Variants in SH2D4A observed in about 807,000 individuals in gnomAD.
SH2D4A encodes the protein SH2 domain containing 4A.
SH2D4A carries 70 observed loss-of-function variants against 64.7 expected under a neutral mutation model. The observed-to-expected ratio is 1.08, with a 90% CI of 0.89 to 1.32. The LOEUF (loss-of-function observed/expected upper bound fraction) is 1.32. SH2D4A is among the 40% of genes most tolerant of loss of function. SH2D4A has a pLI of 0.00. For synonymous variants in SH2D4A, 268 were observed against 200.7 expected (o/e 1.34, Z -2.83); for missense variants, 706 against 540.1 (o/e 1.31, Z -3.04).
chr8:19,369,262 G>A (rs958406100), intron 7 of SH2D4A, among the ~76,000 whole-genome samples: 1 of 152,104 alleles, frequency 6.6e-6, no homozygotes, highest in South Asian at 2.1e-4. Context: ...TTGTATCTAT[G>A]TTCATCATCA....
chr8:19,373,346 G>GTGTA lies in SH2D4A; in HGVS notation c.918-183_918-182insGTAT, dbSNP rs1554485235. 3.4e-5 allele frequency among the ~76,000 whole-genome samples: 5 copies of GTGTA among 146,278 alleles called. 1 individual carries two copies. The South Asian group carries it at 1.1e-3, about 32-fold the overall frequency. On this transcript the variant is annotated intron_variant, in intron 7 of 9. Coordinates refer to ENST00000265807, the MANE Select transcript of SH2D4A (RefSeq NM_022071.4). ...TCCCCCCACCCCCACACACACATGTGTATATATATATATATGTATATATAT... is the reference window on the plus strand; with the variant it reads ...TCCCCCCACCCCCACACACACATGTGTGTATATATATATATATATGTATATATAT...
intron 8 of SH2D4A, 102 bp downstream of exon 8, chr8:19,373,762 C>T (rs1437710688): frequency 1.4e-6 from 2 of 1,405,504 alleles, no homozygotes. Context: ...ATTGGTGCTG[C>T]CCAAAAAGAG....
chr8:19,385,183 C>T (rs1339300978), intron 8 of SH2D4A, among the ~76,000 whole-genome samples: 1 of 151,300 alleles, frequency 6.6e-6, no homozygotes, highest in East Asian at 1.9e-4. Flanking sequence ...GGTGGGATAG[C>T]AATATAGTTC....
chr8:19,316,594 A>G (rs2052092740), intron 1 of SH2D4A, among the ~76,000 whole-genome samples: 1 of 152,204 alleles, frequency 6.6e-6, no homozygotes, highest in South Asian at 2.1e-4. Context: ...GCTTAGCTAC[A>G]GTTGACCAGG....
chr8:19,343,836 C>T (rs1413868348), intron 4 of SH2D4A, among the ~76,000 whole-genome samples: 2 of 152,132 alleles, frequency 1.3e-5, no homozygotes, highest in Admixed American at 6.5e-5. Flanking sequence ...CTCTGTAGGG[C>T]AGGATTTAAT....
At chr8:19,322,452 C>T (rs2052207825) in intron 2 of SH2D4A, among the ~76,000 whole-genome samples, 1 of 152,098 alleles carries the variant, frequency 6.6e-6, no homozygotes, top group African/African-American at 2.4e-5. Flanking sequence ...TCATAGGCCA[C>T]CCCTGCCATT....
At chr8:19,316,440 C>T (rs946228389) in intron 1 of SH2D4A, among the ~76,000 whole-genome samples, 6 of 152,098 alleles carry the variant, frequency 3.9e-5, no homozygotes, top group African/African-American at 1.4e-4. Flanking sequence ...ATTGTAGAGA[C>T]GAAGTGGATG....
chr8:19,321,182 A>G (rs2052184273), intron 2 of SH2D4A, among the ~76,000 whole-genome samples: 1 of 148,762 alleles, frequency 6.7e-6, no homozygotes, highest in African/African-American at 2.5e-5. Flanking sequence ...TGTTTTACAG[A>G]TGATGAGACT....
At chr8:19,315,769 C>G (rs528930482) in intron 1 of SH2D4A, among the ~76,000 whole-genome samples, 1 of 152,298 alleles carries the variant, frequency 6.6e-6, no homozygotes, top group South Asian at 2.1e-4. Flanking sequence ...TCAGTATCAG[C>G]AATGATTACT....
chr8:19,362,091 G>C (rs2052900119), intron 6 of SH2D4A, among the ~76,000 whole-genome samples: 1 of 152,208 alleles, frequency 6.6e-6, no homozygotes, highest in Non-Finnish European at 1.5e-5. Flanking sequence ...ATCAACCTGA[G>C]GTGGCTTGAG....
intron 7 of SH2D4A, among the ~76,000 whole-genome samples, chr8:19,372,141 C>G (rs778917453): frequency 1.3e-5 from 2 of 152,176 alleles, no homozygotes; most frequent in Admixed American, 6.5e-5. Flanking sequence ...ATTCCACTCT[C>G]CACAGCCTGG....
At chr8:19,359,647 A>G (rs1339812361) in intron 5 of SH2D4A, among the ~76,000 whole-genome samples, 1 of 151,922 alleles carries the variant, frequency 6.6e-6, no homozygotes, top group Non-Finnish European at 1.5e-5. Flanking sequence ...GGATTTTCAA[A>G]TGTTGGCAAA....
chr8:19,339,548 G>A (rs1331687775), intron 4 of SH2D4A, among the ~76,000 whole-genome samples: 2 of 137,246 alleles, frequency 1.5e-5, no homozygotes, highest in African/African-American at 5.5e-5. Flanking sequence ...CCCCGAGGCT[G>A]CAGTGCAGTG....
At position 19,395,523 on chromosome 8, in the gene SH2D4A, G is replaced by C. The variant is rs2053574432; in HGVS notation, c.*881G>C. The C allele has an allele frequency of 6.6e-6, 1 of 152,156 alleles. No individual in the cohort carries two copies. The highest frequency in any genetic ancestry group is 2.4e-5 in the African/African-American group (1 of 41,426). 9.4% of individuals were successfully genotyped at this position (152,156 alleles called of 1,614,324 possible). ...GTCTTTGCAGATATAGTCAAGATGAGGTCACATTGGATTAGGGTGGGCCCC... is the reference window on the plus strand; with the variant it reads ...GTCTTTGCAGATATAGTCAAGATGACGTCACATTGGATTAGGGTGGGCCCC... On this transcript the variant is annotated 3_prime_UTR_variant, in exon 10 of 10. Coordinates refer to ENST00000265807, the MANE Select transcript of SH2D4A (RefSeq NM_022071.4).
chr8:19,373,360 A>G (rs1563206867), intron 7 of SH2D4A, among the ~76,000 whole-genome samples, 170 bp from the exon 8 acceptor site: 1 of 150,676 alleles, frequency 6.6e-6, no homozygotes, highest in Non-Finnish European at 1.5e-5. Flanking sequence ...ATATATATAT[A>G]TGTATATATA....
chr8:19,348,221 A>G (rs2052642136), intron 4 of SH2D4A, among the ~76,000 whole-genome samples: 1 of 151,966 alleles, frequency 6.6e-6, no homozygotes, highest in African/African-American at 2.4e-5. Flanking sequence ...TCAGCCTCCC[A>G]AGAAGCTTGG....
intron 7 of SH2D4A, among the ~76,000 whole-genome samples, chr8:19,368,646 G>A (rs1331472674): frequency 1.0e-5 from 1 of 95,576 alleles, no homozygotes; most frequent in African/African-American, 3.9e-5. Context: ...TTAGTCCATT[G>A]TTGATGCATA....
At chr8:19,373,768 A>G in intron 8 of SH2D4A, 108 bp downstream of exon 8, 1 of 1,383,790 alleles carries the variant, frequency 7.2e-7, no homozygotes, top group South Asian at 1.6e-5. Context: ...GCTGCCCAAA[A>G]AGAGTCTTTC....
intron 2 of SH2D4A, among the ~76,000 whole-genome samples, chr8:19,331,485 C>T (rs2052364670): frequency 6.6e-6 from 1 of 152,168 alleles, no homozygotes; most frequent in Admixed American, 6.5e-5. Context: ...TACGCTCCAC[C>T]TGCCCCCGGT....
Sources: gnomAD v4.1 joint callset for allele counts (sites outside exome capture counted in the v4.1 genomes callset) on GRCh38, gnomAD v4.1.1 for gene constraint, MANE v1.5 for transcripts, NCBI Gene and HGNC (gene_info 2026-07-23, HGNC 2026-07-21) for gene names.